TYW1: variants seen among roughly 807,000 people sequenced by gnomAD.
TYW1 encodes the protein S-adenosyl-L-methionine-dependent tRNA 4-demethylwyosine synthase TYW1.
Under a neutral mutation model 96.2 loss-of-function variants are expected in TYW1, and 46 were observed. The ratio of observed to expected loss-of-function variants is 0.48; its 90% CI spans 0.38 to 0.61. TYW1 has a LOEUF of 0.61. Among genes scored for constraint, TYW1 ranks in the 20% least tolerant of loss-of-function variants. TYW1 has a pLI of 0.00. For missense variants in TYW1, 684 were observed against 909.6 expected (o/e 0.75, Z 3.19); for synonymous variants, 274 against 323.0 (o/e 0.85, Z 1.63).
intron 13 of TYW1, among the ~76,000 whole-genome samples, chr7:67,118,571 G>A (rs554347393): frequency 5.3e-5 from 8 of 151,832 alleles, no homozygotes; most frequent in African/African-American, 9.7e-5. Flanking sequence ...CACAGATATG[G>A]AGGACCGACT....
chr7:67,193,852 T>TTGTGTGTG (rs34815766), intron 14 of TYW1, among the ~76,000 whole-genome samples: 2 of 148,732 alleles, frequency 1.3e-5, no homozygotes, highest in Admixed American at 1.3e-4. Flanking sequence ...TTGTGTGTGT[T>TTGTGTGTG]TGTGTGTGTG....
intron 3 of TYW1, among the ~76,000 whole-genome samples, chr7:67,005,370 T>G (rs1429157460): frequency 6.6e-6 from 1 of 152,116 alleles, no homozygotes; most frequent in African/African-American, 2.4e-5. Context: ...CCAAGGCAGG[T>G]GGATCACTTG....
chr7:67,100,027 G>T (rs1045865229), intron 12 of TYW1, among the ~76,000 whole-genome samples: 1 of 152,098 alleles, frequency 6.6e-6, no homozygotes, highest in African/African-American at 2.4e-5. Context: ...GCTATTGAAG[G>T]ATTGCTAGGT....
chr7:67,034,930 T>C (rs534385019), intron 7 of TYW1, among the ~76,000 whole-genome samples: 1 of 152,312 alleles, frequency 6.6e-6, no homozygotes, highest in South Asian at 2.1e-4. Context: ...CTGTTTCCAT[T>C]GTAGAAGAGA....
At chr7:67,043,257 A>G (rs1795085712) in intron 7 of TYW1, among the ~76,000 whole-genome samples, 1 of 151,944 alleles carries the variant, frequency 6.6e-6, no homozygotes, top group African/African-American at 2.4e-5. Flanking sequence ...GAGAAGCTGT[A>G]GTGTTTAGAG....
chr7:67,236,700 A>G (rs1288739326), intron 15 of TYW1, among the ~76,000 whole-genome samples: 1 of 152,220 alleles, frequency 6.6e-6, no homozygotes, highest in African/African-American at 2.4e-5. Flanking sequence ...TTCATAGAGT[A>G]ATTAAACTTT....
chr7:67,049,261 G>A (rs564029006), intron 7 of TYW1, among the ~76,000 whole-genome samples: 9 of 152,104 alleles, frequency 5.9e-5, no homozygotes, highest in Admixed American at 3.9e-4. Context: ...ATTATTTTTC[G>A]CCCTTTTCAG....
intron 7 of TYW1, among the ~76,000 whole-genome samples, chr7:67,035,783 T>A (rs1794819005): frequency 6.6e-6 from 1 of 152,022 alleles, no homozygotes; most frequent in African/African-American, 2.4e-5. Context: ...GTTCAAGCGA[T>A]TCTCCTGCTT....
At chr7:67,113,389 CTTG>C (rs147959093) in intron 12 of TYW1, among the ~76,000 whole-genome samples, 1 of 152,308 alleles carries the variant, frequency 6.6e-6, no homozygotes, top group Non-Finnish European at 1.5e-5. Flanking sequence ...TTCCTGAGGA[CTTG>C]TTGTTTTGGC....
At chr7:66,999,394 A>T (rs1793300075) in intron 3 of TYW1, among the ~76,000 whole-genome samples, 1 of 152,114 alleles carries the variant, frequency 6.6e-6, no homozygotes, top group Non-Finnish European at 1.5e-5. Flanking sequence ...TCACTCTGTC[A>T]CCCAGGCTGG....
rs145396809 is a variant in TYW1 at position 67,043,342 on chromosome 7, T to C, written c.985-6607T>C. ...TTTCTCTTATGTTGTGGTTTGTAAA[T>C]GTAAAGCCCATTGCTACTTTTTTTT... On this transcript the variant is annotated intron_variant, in intron 7 of 15. Transcript: ENST00000359626. Among the ~76,000 whole-genome samples, 591 of 147,510 alleles carry C rather than the reference T, an allele frequency of 4.0e-3. 3 individuals carry two copies. The highest frequency in any genetic ancestry group is 0.014 in the African/African-American group (547 of 40,248).
intron 13 of TYW1, among the ~76,000 whole-genome samples, chr7:67,158,395 G>A (rs1224626552): frequency 2.0e-5 from 3 of 151,112 alleles, no homozygotes; most frequent in Non-Finnish European, 3.0e-5. Flanking sequence ...GCCTGCTAAG[G>A]ATTTTATCAT....
At chr7:67,095,881 C>T (rs983212093) in intron 11 of TYW1, among the ~76,000 whole-genome samples, 2 of 152,112 alleles carry the variant, frequency 1.3e-5, no homozygotes, top group Non-Finnish European at 1.5e-5. Flanking sequence ...AACTTTATTT[C>T]GCCCACGTTC....
chr7:67,032,885 C>CTTTTTTTTT (rs778743156), intron 7 of TYW1, among the ~76,000 whole-genome samples: 2,799 of 76,224 alleles, frequency 0.037, 520 homozygotes, highest in African/African-American at 0.072. Context: ...AGAAGTATAC[C>CTTTTTTTTT]TTTTTTTTTT....
chr7:67,118,180 A>C lies in TYW1; in HGVS notation c.1698+562A>C, dbSNP rs551028512. ...TCTCTACTAGAAATACCAAAAAATT[A>C]GCCAGTTGTGATGACATGCACCTGT... On this transcript the variant is annotated intron_variant, in intron 13 of 15. Transcript: ENST00000359626. Among the ~76,000 whole-genome samples, 3 of 152,234 alleles carry C rather than the reference A, an allele frequency of 2.0e-5. No individual in the cohort carries two copies. In the East Asian group the frequency reaches 5.8e-4, roughly 29 times the overall value.
chr7:67,088,616 T>A (rs1408012717), intron 11 of TYW1, among the ~76,000 whole-genome samples: 1 of 152,216 alleles, frequency 6.6e-6, no homozygotes, highest in Non-Finnish European at 1.5e-5. Context: ...CAGGCTGGAA[T>A]GCAGTGGCAT....
chr7:67,204,488 C>T (rs775341957), intron 15 of TYW1, among the ~76,000 whole-genome samples: 4 of 150,566 alleles, frequency 2.7e-5, no homozygotes, highest in African/African-American at 4.9e-5. Flanking sequence ...TCCTTCCTCC[C>T]TCCCTTCCTT....
At chr7:67,203,917 G>A (rs13241749) in intron 15 of TYW1, among the ~76,000 whole-genome samples, 1 of 152,076 alleles carries the variant, frequency 6.6e-6, no homozygotes, top group Non-Finnish European at 1.5e-5. Context: ...ATTCTGGATT[G>A]ACAGCTCTTT....
At chr7:67,218,359 A>ATT (rs59668382) in intron 15 of TYW1, among the ~76,000 whole-genome samples, 1 of 147,162 alleles carries the variant, frequency 6.8e-6, no homozygotes, top group African/African-American at 2.5e-5. Context: ...ATATTTATTT[A>ATT]TTTTTTTTTT....
Sources: allele counts gnomAD v4.1 joint callset (sites outside exome capture counted in the v4.1 genomes callset), GRCh38; gene constraint gnomAD v4.1.1; transcripts MANE v1.5; gene names NCBI Gene and HGNC (gene_info 2026-07-23, HGNC 2026-07-21).